The following SAMD5 variants were observed in gnomAD, a reference collection of about 807,000 sequenced individuals.
The protein encoded by SAMD5 is sterile alpha motif domain containing 5, also known as sterile alpha motif domain-containing protein 5.
A neutral mutation model predicts 11.3 loss-of-function variants in SAMD5; 13 were observed. The observed-to-expected ratio is 1.15, with a 90% CI of 0.75 to 1.83. The LOEUF (loss-of-function observed/expected upper bound fraction) is 1.83, where lower values mean the gene tolerates loss of function less well. SAMD5 is among the 40% of genes most tolerant of loss of function. SAMD5 has a pLI of 0.00. For synonymous variants in SAMD5, 129 were observed against 111.3 expected (o/e 1.16, Z -1.00); for missense variants, 255 against 239.1 (o/e 1.07, Z -0.44).
chr6:147,565,454 G>T lies in SAMD5; in HGVS notation c.*998G>T. 1.0e-6 allele frequency: 1 copy of T among 966,784 alleles called. No homozygotes were observed. Among genetic ancestry groups the T allele is most frequent in the Non-Finnish European group, 1.2e-6 (1 of 821,418 alleles). 59.9% of individuals were successfully genotyped at this position (966,784 alleles called of 1,614,324 possible). A position where few individuals can be genotyped will look rare whatever the true frequency, so the allele number is the denominator to read the frequency against. ...TATCGTCTTATCGTTCTTGTGTTTG[G>T]ATGCTGGTAGTTTTTTTTTTTTTAG... On this transcript the variant is annotated 3_prime_UTR_variant, in exon 2 of 2. Coordinates refer to ENST00000367474, the MANE Select transcript of SAMD5 (RefSeq NM_001030060.3).
At chr6:147,599,000 C>T (rs921575774) in intron 1 of SAMD5, among the ~76,000 whole-genome samples, 1 of 152,184 alleles carries the variant, frequency 6.6e-6, no homozygotes, top group Non-Finnish European at 1.5e-5. Flanking sequence ...AACGCTGACA[C>T]TGTGTCATGG....
At chr6:147,894,629 A>G in the SAMD5 span, among the ~76,000 whole-genome samples, 1 of 152,212 alleles carries the variant, frequency 6.6e-6, no homozygotes, top group Non-Finnish European at 1.5e-5. Context: ...GAAATCCCAT[A>G]TTAAACACAG....
At chr6:147,523,140 C>G (rs1448060756) in intron 1 of SAMD5, among the ~76,000 whole-genome samples, 1 of 152,080 alleles carries the variant, frequency 6.6e-6, no homozygotes, top group Non-Finnish European at 1.5e-5. Flanking sequence ...GTGAAATATA[C>G]ACTTAGGAGC....
At chr6:147,891,225 A>G in the SAMD5 span, among the ~76,000 whole-genome samples, 1 of 152,238 alleles carries the variant, frequency 6.6e-6, no homozygotes, top group Non-Finnish European at 1.5e-5. Context: ...GGAGAATTGC[A>G]TAGTCTACAT....
intron 1 of SAMD5, among the ~76,000 whole-genome samples, chr6:147,654,973 G>C (rs1790544604): frequency 6.6e-6 from 1 of 152,078 alleles, no homozygotes; most frequent in Admixed American, 6.5e-5. Flanking sequence ...AAGTGATCAG[G>C]ACCATGAGTG....
chr6:147,687,131 A>G (rs1396120171), intron 1 of SAMD5, among the ~76,000 whole-genome samples: 1 of 152,142 alleles, frequency 6.6e-6, no homozygotes, highest in Non-Finnish European at 1.5e-5. Context: ...ACATGCACAC[A>G]TTTTTTAAAC....
intron 1 of SAMD5, among the ~76,000 whole-genome samples, chr6:147,682,053 G>A (rs916066663): frequency 6.6e-6 from 1 of 152,122 alleles, no homozygotes; most frequent in African/African-American, 2.4e-5. Context: ...TTCTGTGCAT[G>A]TCATCCCACT....
chr6:147,663,808 AAAAAGAG>A (rs1305740878), intron 1 of SAMD5, among the ~76,000 whole-genome samples: 5 of 139,820 alleles, frequency 3.6e-5, no homozygotes, highest in East Asian at 2.0e-4. Flanking sequence ...AAAAAAAAAA[AAAAAGAG>A]AGAGAAAGAA....
chr6:147,574,932 T>C (rs754118132), downstream of SAMD5, among the ~76,000 whole-genome samples: 9 of 152,174 alleles, frequency 5.9e-5, no homozygotes, highest in Non-Finnish European at 1.0e-4. Flanking sequence ...TTTCATCAAA[T>C]CTAAGATGAA....
At chr6:147,692,768 G>A (rs1313231560) in intron 1 of SAMD5, among the ~76,000 whole-genome samples, 4 of 152,174 alleles carry the variant, frequency 2.6e-5, no homozygotes, top group East Asian at 3.9e-4. Context: ...GGCCTTTTGC[G>A]ATTCTGATCC....
chr6:147,663,069 C>G (rs900815648), intron 1 of SAMD5, among the ~76,000 whole-genome samples: 2 of 152,240 alleles, frequency 1.3e-5, no homozygotes, highest in Non-Finnish European at 2.9e-5. Flanking sequence ...AGGCTTTAGT[C>G]AGAAGAAGGA....
At chr6:147,927,927 G>T in the SAMD5 span, among the ~76,000 whole-genome samples, 1 of 152,138 alleles carries the variant, frequency 6.6e-6, no homozygotes, top group East Asian at 1.9e-4. Flanking sequence ...ACATAATTGT[G>T]TGGTTTTTGT....
chr6:147,890,678 A>G, the SAMD5 span, among the ~76,000 whole-genome samples: 70 of 152,282 alleles, frequency 4.6e-4, no homozygotes, highest in African/African-American at 1.6e-3. Context: ...TTAAATGATA[A>G]AAAGATCAAT....
intron 1 of SAMD5, among the ~76,000 whole-genome samples, chr6:147,671,884 T>A (rs1223535365): frequency 6.8e-6 from 1 of 147,424 alleles, no homozygotes; most frequent in East Asian, 2.0e-4. Context: ...TTTTTCTTTT[T>A]CAGGATTTTT....
chr6:147,690,597 C>T (rs776905122), intron 1 of SAMD5, among the ~76,000 whole-genome samples: 8 of 151,904 alleles, frequency 5.3e-5, no homozygotes, highest in African/African-American at 1.5e-4. Flanking sequence ...TGCAGTGAGC[C>T]GAGATTGCAC....
At chr6:147,609,564 C>G (rs1359269612) in intron 1 of SAMD5, among the ~76,000 whole-genome samples, 4 of 151,914 alleles carry the variant, frequency 2.6e-5, no homozygotes, top group Non-Finnish European at 5.9e-5. Flanking sequence ...TTTAAATTTT[C>G]TTTGAGACGG....
chr6:147,517,372 T>C (rs1213863034), intron 1 of SAMD5, among the ~76,000 whole-genome samples: 33 of 152,138 alleles, frequency 2.2e-4, no homozygotes, highest in Non-Finnish European at 1.5e-5. Flanking sequence ...ATGTAAGCGC[T>C]CACCTGTGGT....
the SAMD5 span, among the ~76,000 whole-genome samples, chr6:147,894,938 G>A: frequency 1.2e-3 from 188 of 152,212 alleles, no homozygotes; most frequent in Non-Finnish European, 2.3e-3. Flanking sequence ...TTAGCATTTC[G>A]GTAATAGGAA....
chr6:147,742,446 A>C (rs949706345), downstream of SAMD5, among the ~76,000 whole-genome samples: 10 of 152,222 alleles, frequency 6.6e-5, no homozygotes, highest in African/African-American at 2.4e-4. Flanking sequence ...TCCTGGGGCT[A>C]TCCTGGTAGG....
Sources: gnomAD v4.1 joint callset for allele counts (sites outside exome capture counted in the v4.1 genomes callset) on GRCh38, gnomAD v4.1.1 for gene constraint, MANE v1.5 for transcripts, NCBI Gene and HGNC (gene_info 2026-07-23, HGNC 2026-07-21) for gene names.